Variants in PCDH15 observed in about 807,000 individuals in gnomAD.
PCDH15 encodes the protein protocadherin related 15.
In PCDH15, 129 loss-of-function variants were observed where a neutral mutation model predicts 178.5. The ratio of observed to expected loss-of-function variants is 0.72; its 90% CI spans 0.63 to 0.84. The LOEUF (loss-of-function observed/expected upper bound fraction) is 0.84, where lower values mean the gene tolerates loss of function less well. Among genes scored for constraint, PCDH15 ranks in the 40% least tolerant of loss-of-function variants. The pLI, the probability that PCDH15 is intolerant of heterozygous loss-of-function variation, is 0.00. For missense variants in PCDH15, 2,230 were observed against 2,099.9 expected (o/e 1.06, Z -1.21); for synonymous variants, 800 against 732.0 (o/e 1.09, Z -1.50).
Position 53,959,771 on chromosome 10 carries a change from T to C in PCDH15, c.3083A>G (p.His1028Arg). 1 of 1,614,032 alleles carries C rather than the reference T, an allele frequency of 6.2e-7. No homozygotes were observed. The highest frequency in any genetic ancestry group is 8.5e-7 in the Non-Finnish European group (1 of 1,179,948). ...SSATVKILVL[H>R]PGEIPRFTQE... is the part of the protein sequence containing the mutation. The stretch of plus-strand genomic sequence containing the variant: ...TGTGAAGCGTGGGATCTCACCAGGA[T>C]GTAAGACAAGAATCTTCACTGTGGC... Residue 1028 changes from histidine to arginine, a missense_variant, in exon 23 of 38, where the codon CAT becomes CGT. His to Arg is a conservative substitution (Grantham distance 29). Coordinates refer to ENST00000644397, the MANE Select transcript of PCDH15 (RefSeq NM_001384140.1).
chr10:55,252,276 T>C (rs1416909078), intron 1 of PCDH15, among the ~76,000 whole-genome samples: 1 of 152,108 alleles, frequency 6.6e-6, no homozygotes, highest in Non-Finnish European at 1.5e-5. Flanking sequence ...GATTACACCC[T>C]ACCCAAATAG....
At chr10:54,452,372 T>G (rs1457984731) in intron 3 of PCDH15, 1 of 152,072 alleles carries the variant, frequency 6.6e-6, no homozygotes, top group Non-Finnish European at 1.5e-5. Context: ...GACACTGGCT[T>G]TCTCTGTTTC....
At position 54,465,630 on chromosome 10, in the gene PCDH15, C is replaced by T. The variant is rs1041233149; in HGVS notation, c.157+62182G>A. 2.0e-5 allele frequency among the ~76,000 whole-genome samples: 3 copies of T among 151,898 alleles called. No individual in the cohort carries two copies. In the South Asian group the frequency reaches 6.2e-4, roughly 31 times the overall value. On this transcript the variant is annotated intron_variant, in intron 3 of 37. Coordinates refer to ENST00000644397, the MANE Select transcript of PCDH15 (RefSeq NM_001384140.1). ...GTGTGCCAATACCATATCTTCTTTACCCATTTGTTGGTTGATGGACACTTA... is the reference window on the plus strand; with the variant it reads ...GTGTGCCAATACCATATCTTCTTTATCCATTTGTTGGTTGATGGACACTTA...
chr10:55,268,445 A>G (rs1842357282), intron 1 of PCDH15, among the ~76,000 whole-genome samples: 1 of 152,200 alleles, frequency 6.6e-6, no homozygotes, highest in Non-Finnish European at 1.5e-5. Flanking sequence ...TGATTTCAGT[A>G]AATTGCCATC....
chr10:54,375,823 T>G (rs1948321124), intron 4 of PCDH15, among the ~76,000 whole-genome samples: 1 of 115,998 alleles, frequency 8.6e-6, no homozygotes. Flanking sequence ...TAAAAATATA[T>G]TTTTGAAATG....
In PCDH15 at chr10:53,827,431, T is replaced by TGGC. The variant is rs1564552251; in HGVS notation, c.4326_4328dup (p.Pro1443dup). 6 of 1,613,096 alleles carry TGGC rather than the reference T, an allele frequency of 3.7e-6. No individual in the cohort carries two copies. Among genetic ancestry groups the TGGC allele is most frequent in the Non-Finnish European group, 5.1e-6 (6 of 1,179,428 alleles). On this transcript the variant is annotated inframe_insertion, in exon 32 of 38. Transcript: ENST00000644397. ...CAAGTTCTTCATAGAGATGCGCACCTGGCGGAGGCGGCGGCGGCGGCGGGG... is the reference window on the plus strand; with the variant it reads ...CAAGTTCTTCATAGAGATGCGCACCTGGCGGCGGAGGCGGCGGCGGCGGCGGGG...
At chr10:55,087,987 T>A (rs1842217084) in intron 2 of PCDH15, among the ~76,000 whole-genome samples, 1 of 152,188 alleles carries the variant, frequency 6.6e-6, no homozygotes, top group African/African-American at 2.4e-5. Context: ...ATAATCAAGT[T>A]AATTATCTAC....
At chr10:54,763,753 AAT>A (rs36090343) in intron 1 of PCDH15, among the ~76,000 whole-genome samples, 10,030 of 146,216 alleles carry the variant, frequency 0.069, 462 homozygotes, top group Admixed American at 0.094. Context: ...GTACTATATA[AAT>A]ATATATATAT....
At chr10:54,464,748 C>T (rs1471154060) in intron 3 of PCDH15, among the ~76,000 whole-genome samples, 1 of 152,120 alleles carries the variant, frequency 6.6e-6, no homozygotes, top group Non-Finnish European at 1.5e-5. Flanking sequence ...TCCGGTTGAC[C>T]TTATTTCCAA....
At chr10:55,612,993 CT>C (rs1843399795) in intron 2 of PCDH15, among the ~76,000 whole-genome samples, 1 of 149,692 alleles carries the variant, frequency 6.7e-6, no homozygotes. Context: ...AGTTGAGACT[CT>C]CCAATACATA....
In PCDH15 at chr10:55,471,589, C is replaced by T. The variant is rs571240137; in HGVS notation, c.-156+156036G>A. On this transcript the variant is annotated intron_variant, in intron 2 of 5. Coordinates refer to the PCDH15 transcript ENST00000613346. The stretch of plus-strand genomic sequence containing the variant: ...TGCCATGGCCTGATGAAACCACATT[C>T]TGGTTAAATCCCTGTTGGCTAGTCT... Among the ~76,000 whole-genome samples, 5 of 152,280 alleles carry T rather than the reference C, an allele frequency of 3.3e-5. No individual in the cohort carries two copies. In the East Asian group the frequency reaches 9.6e-4, roughly 29 times the overall value.
intron 13 of PCDH15, among the ~76,000 whole-genome samples, chr10:54,163,419 G>C (rs1457332068): frequency 6.6e-6 from 1 of 151,884 alleles, no homozygotes; most frequent in African/African-American, 2.4e-5. Context: ...GAGAGAGAGA[G>C]AGCGAGAGGA....
At chr10:54,324,349 T>C (rs576383333) in intron 7 of PCDH15, among the ~76,000 whole-genome samples, 32 of 152,278 alleles carry the variant, frequency 2.1e-4, no homozygotes, top group African/African-American at 7.0e-4. Context: ...TTAGGAATTA[T>C]ATCTTGTTAG....
At chr10:54,518,936 T>C (rs1434563067) in intron 3 of PCDH15, among the ~76,000 whole-genome samples, 1 of 152,158 alleles carries the variant, frequency 6.6e-6, no homozygotes, top group Admixed American at 6.5e-5. Flanking sequence ...TAATCCAGCA[T>C]ATAAACAGAT....
chr10:54,755,680 G>T (rs1347542839), intron 1 of PCDH15, among the ~76,000 whole-genome samples: 5 of 151,640 alleles, frequency 3.3e-5, no homozygotes, highest in Admixed American at 6.6e-5. Flanking sequence ...ATCTAATCAT[G>T]CTCATACATA....
intron 21 of PCDH15, among the ~76,000 whole-genome samples, chr10:53,987,000 T>C (rs887185336): frequency 3.3e-5 from 5 of 152,184 alleles, no homozygotes; most frequent in Non-Finnish European, 7.3e-5. Context: ...GCCCACACTT[T>C]TGAAACCACT....
At chr10:55,404,456 A>G (rs74136627) in intron 2 of PCDH15, among the ~76,000 whole-genome samples, 679 of 152,152 alleles carry the variant, frequency 4.5e-3, no homozygotes, top group African/African-American at 0.015. Flanking sequence ...TAATCTGATG[A>G]GTATAAGATA....
intron 15 of PCDH15, among the ~76,000 whole-genome samples, chr10:54,127,783 G>T (rs933378960): frequency 6.6e-6 from 1 of 152,074 alleles, no homozygotes; most frequent in African/African-American, 2.4e-5. Context: ...TTCTTCCCAA[G>T]ATCTTTTCAG....
intron 2 of PCDH15, among the ~76,000 whole-genome samples, chr10:55,126,526 T>C (rs933827208): frequency 6.6e-6 from 1 of 152,062 alleles, no homozygotes; most frequent in Non-Finnish European, 1.5e-5. Context: ...TGGTCTTAAA[T>C]GTGACTTGAC....
Sources: gnomAD v4.1 joint callset for allele counts (sites outside exome capture counted in the v4.1 genomes callset) on GRCh38, gnomAD v4.1.1 for gene constraint, MANE v1.5 for transcripts, NCBI Gene and HGNC (gene_info 2026-07-23, HGNC 2026-07-21) for gene names.